L3MBTL4: variants seen among roughly 807,000 people sequenced by gnomAD.
L3MBTL4 encodes lethal(3)malignant brain tumor-like protein 4.
A neutral mutation model predicts 84.5 loss-of-function variants in L3MBTL4; 70 were observed. The observed-to-expected ratio is 0.83, with a 90% CI of 0.68 to 1.01. The LOEUF (loss-of-function observed/expected upper bound fraction) is 1.01. L3MBTL4 is among the 50% of genes least tolerant of loss of function. L3MBTL4 has a pLI of 0.00. For missense variants in L3MBTL4, 715 were observed against 754.8 expected (o/e 0.95, Z 0.62); for synonymous variants, 274 against 259.8 (o/e 1.05, Z -0.52).
chr18:6,164,292 C>A (rs1034452249), intron 13 of L3MBTL4, among the ~76,000 whole-genome samples: 10 of 152,260 alleles, frequency 6.6e-5, no homozygotes, highest in Admixed American at 2.6e-4. Context: ...GTAACCTCTG[C>A]AGACTTAAAC....
intron 4 of L3MBTL4, among the ~76,000 whole-genome samples, chr18:6,271,601 T>C (rs2048873667): frequency 6.6e-6 from 1 of 152,168 alleles, no homozygotes; most frequent in Admixed American, 6.5e-5. Flanking sequence ...ACGATAAGTG[T>C]ACGTAATAAT....
At chr18:6,026,182 AGTAT>A (rs1295906085) in intron 16 of L3MBTL4, among the ~76,000 whole-genome samples, 1 of 152,216 alleles carries the variant, frequency 6.6e-6, no homozygotes, top group Non-Finnish European at 1.5e-5. Context: ...ATCATAACAA[AGTAT>A]GGTTAGAACA....
intron 14 of L3MBTL4, among the ~76,000 whole-genome samples, chr18:6,118,208 A>AACACACACACACACACACACAC (rs60207558): frequency 0.016 from 2,235 of 141,800 alleles, 45 homozygotes; most frequent in African/African-American, 0.032. Flanking sequence ...AACACACACA[A>AACACACACACACACACACACAC]ACACACACAC....
intron 13 of L3MBTL4, among the ~76,000 whole-genome samples, chr18:6,163,886 A>G (rs1214981983): frequency 6.6e-6 from 1 of 152,182 alleles, no homozygotes; most frequent in Non-Finnish European, 1.5e-5. Context: ...GCGAGGCATC[A>G]ACTCACCCGG....
chr18:6,177,157 T>C (rs934110640), intron 12 of L3MBTL4, among the ~76,000 whole-genome samples: 4 of 152,208 alleles, frequency 2.6e-5, no homozygotes, highest in South Asian at 2.1e-4. Flanking sequence ...AAATATAAAG[T>C]TGTGTAAACA....
At chr18:6,405,615 C>CTCT (rs777066827) in intron 1 of L3MBTL4, among the ~76,000 whole-genome samples, 6 of 151,712 alleles carry the variant, frequency 4.0e-5, no homozygotes, top group Middle Eastern at 3.2e-3. Context: ...CCCGAGGGCC[C>CTCT]ACTAAACACA....
At chr18:6,365,418 A>G (rs2053892122) in intron 1 of L3MBTL4, among the ~76,000 whole-genome samples, 1 of 152,240 alleles carries the variant, frequency 6.6e-6, no homozygotes, top group African/African-American at 2.4e-5. Context: ...CCATAATTGC[A>G]CATGATAATG....
chr18:6,386,611 G>A (rs751591134), intron 1 of L3MBTL4, among the ~76,000 whole-genome samples: 2 of 152,158 alleles, frequency 1.3e-5, no homozygotes, highest in Admixed American at 6.5e-5. Context: ...TACCACAGGC[G>A]GATCTGAACA....
intron 1 of L3MBTL4, among the ~76,000 whole-genome samples, chr18:6,361,889 G>C (rs2053711097): frequency 6.6e-6 from 1 of 151,992 alleles, no homozygotes; most frequent in Non-Finnish European, 1.5e-5. Flanking sequence ...GCAGACGCAG[G>C]GTGACCGCTT....
intron 10 of L3MBTL4, among the ~76,000 whole-genome samples, chr18:6,231,851 A>C (rs1455019773): frequency 6.6e-6 from 1 of 152,028 alleles, no homozygotes; most frequent in Non-Finnish European, 1.5e-5. Context: ...AACAGATATG[A>C]TTTTACCTCT....
At chr18:6,181,054 CATAGGGACCAAAAGTAG>C (rs370846780) in intron 12 of L3MBTL4, among the ~76,000 whole-genome samples, 4,065 of 152,160 alleles carry the variant, frequency 0.027, 203 homozygotes, top group African/African-American at 0.093. Context: ...TAGGCAAATT[CATAGGGACCAAAAGTAG>C]ATTAGAGGTT....
At chr18:5,969,682 C>T (rs1441115734) in intron 16 of L3MBTL4, 120 bp from the exon 17 acceptor site, 9 of 922,870 alleles carry the variant, frequency 9.8e-6, no homozygotes, top group African/African-American at 3.3e-5. Flanking sequence ...CACCAGAACC[C>T]GCGTCTTCTG....
chr18:6,186,605 T>A (rs2044779390), intron 12 of L3MBTL4, among the ~76,000 whole-genome samples: 1 of 152,146 alleles, frequency 6.6e-6, no homozygotes, highest in Non-Finnish European at 1.5e-5. Context: ...GCAAGGCAAC[T>A]TCTAGTTTCT....
chr18:6,292,545 A>G (rs1278993271), intron 4 of L3MBTL4, among the ~76,000 whole-genome samples: 1 of 152,174 alleles, frequency 6.6e-6, no homozygotes, highest in Non-Finnish European at 1.5e-5. Context: ...TCCCTGATAT[A>G]GACCCCCATA....
intron 14 of L3MBTL4, among the ~76,000 whole-genome samples, chr18:6,136,948 C>T (rs2060045186): frequency 6.6e-6 from 1 of 152,222 alleles, no homozygotes; most frequent in African/African-American, 2.4e-5. Context: ...CTAAATGGCT[C>T]ACTTGACTTT....
At chr18:6,025,658 T>C (rs543280558) in intron 16 of L3MBTL4, among the ~76,000 whole-genome samples, 2 of 152,326 alleles carry the variant, frequency 1.3e-5, no homozygotes, top group South Asian at 4.1e-4. Flanking sequence ...AGACATTTTT[T>C]CCACAGACAG....
At chr18:6,317,796 A>G (rs905825703) in intron 1 of L3MBTL4, among the ~76,000 whole-genome samples, 3 of 152,194 alleles carry the variant, frequency 2.0e-5, no homozygotes, top group Non-Finnish European at 4.4e-5. Flanking sequence ...CAAGGTATAT[A>G]GTCATCAAGC....
chr18:6,383,250 G>A (rs1188880381), intron 1 of L3MBTL4, among the ~76,000 whole-genome samples: 3 of 152,064 alleles, frequency 2.0e-5, no homozygotes, highest in African/African-American at 7.2e-5. Flanking sequence ...GCTGGGCTCC[G>A]TGGGGGTAGG....
In L3MBTL4 at chr18:6,154,610, G is replaced by A. The variant is rs1048902540; in HGVS notation, c.1097-16314C>T. Among the ~76,000 whole-genome samples, 18 of 152,236 alleles carry A rather than the reference G, an allele frequency of 1.2e-4. No homozygotes were observed. In the Middle Eastern group the frequency reaches 0.017, roughly 144 times the overall value. ...TATTTAAAAGTGCAGTGTGATTATC[G>A]TACAGCATGACCCTCAATTCACACC... On this transcript the variant is annotated intron_variant, in intron 13 of 18. Coordinates refer to ENST00000317931, the MANE Select transcript of L3MBTL4 (RefSeq NM_001330559.2).
Sources: allele counts gnomAD v4.1 joint callset (sites outside exome capture counted in the v4.1 genomes callset), GRCh38; gene constraint gnomAD v4.1.1; transcripts MANE v1.5; gene names NCBI Gene and HGNC (gene_info 2026-07-23, HGNC 2026-07-21).